Variants in CTIF observed in about 807,000 individuals in gnomAD.
CTIF encodes CBP80/20-dependent translation initiation factor.
Under a neutral mutation model 66.0 loss-of-function variants are expected in CTIF, and 21 were observed. That is an observed-to-expected ratio of 0.32 (90% CI 0.23 to 0.46). The LOEUF is 0.46. Among genes scored for constraint, CTIF ranks in the 20% least tolerant of loss-of-function variants. The probability of loss-of-function intolerance (pLI) is 1.00; values close to 1 mark genes in which losing one functional copy is unlikely to be tolerated. For synonymous variants in CTIF, 345 were observed against 326.4 expected (o/e 1.06, Z -0.62); for missense variants, 739 against 812.7 (o/e 0.91, Z 1.10).
intron 10 of CTIF, among the ~76,000 whole-genome samples, chr18:48,828,262 A>G (rs1480064470): frequency 6.6e-6 from 1 of 152,202 alleles, no homozygotes. Flanking sequence ...CAATCTCAAC[A>G]TGGCTCAGGA....
At chr18:48,678,475 C>A (rs2091678287) in intron 6 of CTIF, among the ~76,000 whole-genome samples, 1 of 151,892 alleles carries the variant, frequency 6.6e-6, no homozygotes, top group African/African-American at 2.4e-5. Context: ...ATAAATGGGG[C>A]CAGAAGTTCT....
At chr18:48,694,126 C>T (rs760987674) in intron 6 of CTIF, among the ~76,000 whole-genome samples, 2 of 152,268 alleles carry the variant, frequency 1.3e-5, no homozygotes, top group Non-Finnish European at 2.9e-5. Context: ...TGCTCCCACC[C>T]TCTGGTCCCA....
intron 11 of CTIF, 28 bp from the exon 12 acceptor site, chr18:48,859,316 C>T (rs372771958): frequency 1.2e-6 from 2 of 1,606,542 alleles, no homozygotes; most frequent in African/African-American, 2.7e-5. Context: ...GACCCGAGGC[C>T]ATCCTAACCC....
intron 1 of CTIF, among the ~76,000 whole-genome samples, chr18:48,617,969 T>C (rs2090427555): frequency 6.6e-6 from 1 of 152,152 alleles, no homozygotes; most frequent in African/African-American, 2.4e-5. Context: ...AGCCTAAAAA[T>C]GAGCTGGGAA....
intron 7 of CTIF, among the ~76,000 whole-genome samples, chr18:48,754,309 G>T (rs2145838843): frequency 6.6e-6 from 1 of 152,328 alleles, no homozygotes; most frequent in African/African-American, 2.4e-5. Flanking sequence ...TTAGTTGACA[G>T]GCTTAGCTCA....
At chr18:48,692,720 C>G (rs749392225) in intron 6 of CTIF, 4 of 152,208 alleles carry the variant, frequency 2.6e-5, no homozygotes, top group Non-Finnish European at 5.9e-5. Context: ...TAGCGGAACC[C>G]TACAACAATG....
rs781337267 is a variant in CTIF, at chr18:48,670,718, A to G, written c.481A>G (p.Ile161Val). ...TGGGGATGGCATCAACCTGAATGAC[A>G]TCGAGAAGGTCCTTCCAGCCTGGCA... ...EDGDGINLND[I>V]EKVLPAWQGY... Residue 161 changes from isoleucine (I) to valine (V), a missense_variant, in exon 6 of 12, where the codon ATC (isoleucine) becomes GTC (valine). By Grantham distance (29) the Ile-to-Val change is conservative. This residue lies in a region of CTIF where 529 missense variants were observed against 520.3 expected (regional missense o/e 1.02). Transcript: ENST00000256413. 1.2e-6 allele frequency: 2 copies of G among 1,614,182 alleles called. No homozygotes were observed. Among genetic ancestry groups the G allele is most frequent in the Non-Finnish European group, 1.7e-6 (2 of 1,180,010 alleles).
chr18:48,592,322 G>A (rs2089902545), intron 1 of CTIF, among the ~76,000 whole-genome samples: 1 of 151,984 alleles, frequency 6.6e-6, no homozygotes, highest in Admixed American at 6.5e-5. Context: ...TGACCAACAT[G>A]GAGAAACCTA....
At chr18:48,690,827 T>C (rs1332441375) in intron 6 of CTIF, among the ~76,000 whole-genome samples, 1 of 151,400 alleles carries the variant, frequency 6.6e-6, no homozygotes, top group Non-Finnish European at 1.5e-5. Flanking sequence ...TAAAACCTCC[T>C]CCCTGCAAAC....
intron 2 of CTIF, among the ~76,000 whole-genome samples, chr18:48,626,372 G>A (rs1275508927): frequency 6.7e-6 from 1 of 150,258 alleles, no homozygotes; most frequent in African/African-American, 2.5e-5. Context: ...TTTTTGAGAT[G>A]AGTCTTGCAC....
chr18:48,746,820 C>T (rs916155431), intron 7 of CTIF, among the ~76,000 whole-genome samples: 1 of 152,102 alleles, frequency 6.6e-6, no homozygotes, highest in African/African-American at 2.4e-5. Context: ...TCTCTGTCTC[C>T]ATCCCACCTG....
chr18:48,854,205 G>T (rs561852758), intron 10 of CTIF, among the ~76,000 whole-genome samples: 1 of 152,110 alleles, frequency 6.6e-6, no homozygotes, highest in African/African-American at 2.4e-5. Flanking sequence ...ATGTGCATGG[G>T]GGGGAAAGCA....
chr18:48,678,152 A>T (rs2091667583), intron 6 of CTIF, among the ~76,000 whole-genome samples: 1 of 152,190 alleles, frequency 6.6e-6, no homozygotes, highest in Non-Finnish European at 1.5e-5. Flanking sequence ...ACAGCAAGTT[A>T]GGGGTGAATG....
chr18:48,817,301 C>G lies in CTIF; in HGVS notation c.1452C>G (p.Val484=). 1 of 1,614,014 alleles carries G rather than the reference C, an allele frequency of 6.2e-7. No individual in the cohort carries two copies. Among genetic ancestry groups the G allele is most frequent in the Non-Finnish European group, 8.5e-7 (1 of 1,179,972 alleles). The change falls in exon 10 of 12, where the codon GTC becomes GTG. Residue 484 remains valine (V), a synonymous_variant. Transcript: ENST00000256413. Reference sequence around the variant, plus strand: ...GCTTCATCACCTTCCTGTGCGAGGTCTTCGGCACCATGCGCAGCAGCACAG... The same window carrying G: ...GCTTCATCACCTTCCTGTGCGAGGTGTTCGGCACCATGCGCAGCAGCACAG... ...WLGFITFLCE[V]FGTMRSSTGE... is the part of the protein sequence containing the mutation.
At chr18:48,779,839 A>C (rs1911045769) in intron 9 of CTIF, among the ~76,000 whole-genome samples, 1 of 152,200 alleles carries the variant, frequency 6.6e-6, no homozygotes, top group Non-Finnish European at 1.5e-5. Context: ...CGTGAATGCA[A>C]AGAGAAGACC....
intron 9 of CTIF, among the ~76,000 whole-genome samples, chr18:48,800,024 A>C (rs1022162890): frequency 6.6e-6 from 1 of 152,244 alleles, no homozygotes; most frequent in Non-Finnish European, 1.5e-5. Context: ...CTCTGGGAGG[A>C]GAAAACAAGT....
intron 9 of CTIF, among the ~76,000 whole-genome samples, chr18:48,775,683 G>A (rs1001555222): frequency 6.6e-6 from 1 of 152,258 alleles, no homozygotes; most frequent in African/African-American, 2.4e-5. Context: ...GAACATCAGA[G>A]GAAGGGGCAA....
In CTIF at chr18:48,816,677, C is replaced by T. The variant is rs75062033; in HGVS notation, c.1372-544C>T. On this transcript the variant is annotated intron_variant, in intron 9 of 11. Coordinates refer to ENST00000256413, the MANE Select transcript of CTIF (RefSeq NM_014772.3). ...TAAGGAGGATGAATGAATGAATGAA[C>T]GAATGAATGCCTAGGCCCCTCGAGG... 2.6e-4 allele frequency among the ~76,000 whole-genome samples: 39 copies of T among 148,802 alleles called. No homozygotes were observed. In the East Asian group the frequency reaches 6.0e-3, roughly 23 times the overall value.
Position 48,623,464 on chromosome 18 carries a change from AC to A in CTIF, c.180+3720del, listed in dbSNP as rs1327931009. 2.0e-5 allele frequency among the ~76,000 whole-genome samples: 3 copies of A among 152,248 alleles called. No homozygotes were observed. In the East Asian group the frequency reaches 5.8e-4, roughly 29 times the overall value. On this transcript the variant is annotated intron_variant, in intron 2 of 11. Transcript: ENST00000256413. ...AGGAAGGCCAGGGTTAGCTGTGTCT[AC>A]ATAAGATACTTTTTAAAAAAATTCT...
Sources: allele counts gnomAD v4.1 joint callset (sites outside exome capture counted in the v4.1 genomes callset), GRCh38; gene constraint gnomAD v4.1.1; regional missense constraint gnomAD v4.1.1; transcripts MANE v1.5; gene names NCBI Gene and HGNC (gene_info 2026-07-23, HGNC 2026-07-21).